PIK3CA: variants seen among roughly 807,000 people sequenced by gnomAD.
The protein encoded by PIK3CA is phosphatidylinositol 4,5-bisphosphate 3-kinase catalytic subunit alpha isoform.
In PIK3CA, 27 loss-of-function variants were observed where a neutral mutation model predicts 138.2. The ratio of observed to expected loss-of-function variants is 0.20; its 90% CI spans 0.14 to 0.27. The LOEUF is 0.27. Ranked by LOEUF, PIK3CA falls within the 10% of genes least tolerant of loss-of-function variation. The pLI, the probability that PIK3CA is intolerant of heterozygous loss-of-function variation, is 1.00. For synonymous variants in PIK3CA, 358 were observed against 413.2 expected (o/e 0.87, Z 1.62); for missense variants, 544 against 1,277.4 (o/e 0.43, Z 8.75).
intron 1 of PIK3CA, among the ~76,000 whole-genome samples, chr3:179,148,857 T>C (rs1722928598): frequency 6.6e-6 from 1 of 152,092 alleles, no homozygotes; most frequent in South Asian, 2.1e-4. Flanking sequence ...GCTCTTCCTT[T>C]GCTTCTACTC....
chr3:179,213,422 C>T (rs537769809), intron 9 of PIK3CA, among the ~76,000 whole-genome samples: 119 of 152,324 alleles, frequency 7.8e-4, no homozygotes, highest in African/African-American at 2.6e-3. Context: ...TGCTGATGAT[C>T]ATGCAAGGCT....
chr3:179,224,263 G>C, intron 15 of PIK3CA, 76 bp downstream of exon 15: 4 of 720,152 alleles, frequency 5.6e-6, no homozygotes, highest in Non-Finnish European at 7.1e-6. Context: ...AAGTAAAAAT[G>C]TCTGTTATAA....
chr3:179,162,188 A>G (rs1359258318), intron 1 of PIK3CA, among the ~76,000 whole-genome samples: 1 of 152,182 alleles, frequency 6.6e-6, no homozygotes, highest in African/African-American at 2.4e-5. Context: ...TGTATTTAAA[A>G]GTGTGAATTT....
In PIK3CA at chr3:179,238,807, A is replaced by G. The variant is rs1241565828; in HGVS notation, c.*4443A>G. 2 of 223,650 alleles carry G rather than the reference A, an allele frequency of 8.9e-6. No homozygotes were observed. Among genetic ancestry groups the G allele is most frequent in the East Asian group, 6.5e-5 (1 of 15,454 alleles). The allele number at this position is 223,650 out of a possible 1,614,324, so 13.9% of individuals were successfully genotyped here. A position where few individuals can be genotyped will look rare whatever the true frequency, so the allele number is the denominator to read the frequency against. On this transcript the variant is annotated 3_prime_UTR_variant, in exon 21 of 21. Transcript: ENST00000263967. ...CACTGCTTGCTTAGCCCTAGTCAAGAGGCATCTTTTATAAAAGGTGTAAAG... is the reference window on the plus strand; with the variant it reads ...CACTGCTTGCTTAGCCCTAGTCAAGGGGCATCTTTTATAAAAGGTGTAAAG...
chr3:179,195,758 CAT>C (rs1724251304), intron 1 of PIK3CA, among the ~76,000 whole-genome samples: 1 of 152,180 alleles, frequency 6.6e-6, no homozygotes, highest in South Asian at 2.1e-4. Context: ...TCAGTTTTCT[CAT>C]ATGTAAAATG....
chr3:179,175,720 T>A (rs1368583297), intron 1 of PIK3CA, among the ~76,000 whole-genome samples: 2 of 152,112 alleles, frequency 1.3e-5, no homozygotes, highest in Non-Finnish European at 1.5e-5. Context: ...ATTTTTTTTT[T>A]TTTTCAGTTC....
intron 9 of PIK3CA, among the ~76,000 whole-genome samples, chr3:179,217,655 A>G (rs1157607842): frequency 1.3e-5 from 2 of 151,942 alleles, no homozygotes; most frequent in Non-Finnish European, 2.9e-5. Flanking sequence ...GAATTATACA[A>G]AAAAATATTA....
At chr3:179,157,034 C>T (rs1334429537) in intron 1 of PIK3CA, among the ~76,000 whole-genome samples, 1 of 152,040 alleles carries the variant, frequency 6.6e-6, no homozygotes, top group Non-Finnish European at 1.5e-5. Context: ...AAATTCAAAG[C>T]AGCATTAATG....
rs374345587 is a variant in PIK3CA at position 179,173,451 on chromosome 3, C to T, written c.-77+24848C>T. ...AAACTTAGCCAGGTGTGGTGGCGGGCGCCTGTAGTCCCAGCTACTCGGGAG... is the reference window on the plus strand; with the variant it reads ...AAACTTAGCCAGGTGTGGTGGCGGGTGCCTGTAGTCCCAGCTACTCGGGAG... On this transcript the variant is annotated intron_variant, in intron 1 of 20. Coordinates refer to ENST00000263967, the MANE Select transcript of PIK3CA (RefSeq NM_006218.4). 2.7e-3 allele frequency among the ~76,000 whole-genome samples: 392 copies of T among 143,296 alleles called. 5 individuals carry two copies. The highest frequency in any genetic ancestry group is 0.023 in the Admixed American group (333 of 14,394). The allele number at this position is 143,296 out of a possible 152,430, so 94.0% of individuals were successfully genotyped here.
intron 20 of PIK3CA, among the ~76,000 whole-genome samples, chr3:179,232,410 C>T (rs189895670): frequency 9.2e-5 from 14 of 152,092 alleles, no homozygotes; most frequent in Non-Finnish European, 1.6e-4. Flanking sequence ...AAGATCAGTT[C>T]GTTGTAAGTT....
At position 179,226,022 on chromosome 3, in the gene PIK3CA, A is replaced by G; in HGVS notation, c.2477A>G (p.Asn826Ser). Residue 826 changes from asparagine to serine, a missense_variant, in exon 17 of 21, where the codon AAT becomes AGT. Around this residue, in one of 14 missense-constraint regions of PIK3CA, gnomAD observed 72 missense variants for 271.8 expected, o/e 0.26. Coordinates refer to ENST00000263967, the MANE Select transcript of PIK3CA (RefSeq NM_006218.4). ...IIRIMENIWQ[N>S]QGLDLRMLPY... is the part of the protein sequence containing the mutation. Reference sequence around the variant, plus strand: ...CGTATTATGGAAAATATCTGGCAAAATCAAGGTCTTGATCTTCGGTAGGTA... The same window carrying G: ...CGTATTATGGAAAATATCTGGCAAAGTCAAGGTCTTGATCTTCGGTAGGTA... 1 of 1,595,942 alleles carries G rather than the reference A, an allele frequency of 6.3e-7. No homozygotes were observed. The highest frequency in any genetic ancestry group is 1.3e-5 in the African/African-American group (1 of 74,590).
intron 1 of PIK3CA, among the ~76,000 whole-genome samples, chr3:179,179,998 A>T (rs1369572651): frequency 6.6e-6 from 1 of 152,198 alleles, no homozygotes; most frequent in Non-Finnish European, 1.5e-5. Context: ...AAGGGAAAAG[A>T]TTGATCTAGT....
intron 1 of PIK3CA, among the ~76,000 whole-genome samples, chr3:179,161,508 C>T (rs1723280536): frequency 6.6e-6 from 1 of 151,974 alleles, no homozygotes. Flanking sequence ...ACCACCCTGG[C>T]CAACATGGCA....
chr3:179,171,413 C>T (rs1723555759), intron 1 of PIK3CA, among the ~76,000 whole-genome samples: 1 of 151,822 alleles, frequency 6.6e-6, no homozygotes, highest in Non-Finnish European at 1.5e-5. Flanking sequence ...TAAAGTGTAC[C>T]AAAGTAAGTA....
intron 1 of PIK3CA, among the ~76,000 whole-genome samples, chr3:179,157,112 A>G (rs1194544609): frequency 3.3e-5 from 5 of 152,222 alleles, no homozygotes; most frequent in Non-Finnish European, 7.4e-5. Flanking sequence ...ATGAAACCAT[A>G]CATGACAGCA....
chr3:179,200,446 A>G (rs1378583661), intron 3 of PIK3CA, among the ~76,000 whole-genome samples: 1 of 152,154 alleles, frequency 6.6e-6, no homozygotes, highest in African/African-American at 2.4e-5. Flanking sequence ...TCATTGTATC[A>G]GATAAATATC....
chr3:179,235,548 C>T lies in PIK3CA; in HGVS notation c.*1184C>T, dbSNP rs1018924645. ...CCTTTTATTTCTTATGTGAATCTCC[C>T]GTCTTCCATTCTCTTTTATAATTGA... On this transcript the variant is annotated 3_prime_UTR_variant, in exon 21 of 21. Coordinates refer to ENST00000263967, the MANE Select transcript of PIK3CA (RefSeq NM_006218.4). 1.0e-4 allele frequency: 20 copies of T among 197,900 alleles called. No homozygotes were observed. Among genetic ancestry groups the T allele is most frequent in the East Asian group, 4.7e-4 (6 of 12,798 alleles). The allele number at this position is 197,900 out of a possible 1,614,324, so 12.3% of individuals were successfully genotyped here.
At chr3:179,159,501 G>C (rs1391366215) in intron 1 of PIK3CA, among the ~76,000 whole-genome samples, 1 of 152,162 alleles carries the variant, frequency 6.6e-6, no homozygotes, top group Non-Finnish European at 1.5e-5. Context: ...TATGGACTTT[G>C]TATATGCTGC....
Position 179,225,955 on chromosome 3 carries a change from A to G in PIK3CA, c.2417-7A>G. The G allele has an allele frequency of 6.7e-7, 1 of 1,484,274 alleles. No individual in the cohort carries two copies. Among genetic ancestry groups the G allele is most frequent in the Non-Finnish European group, 9.4e-7 (1 of 1,065,750 alleles). The allele number at this position is 1,484,274 out of a possible 1,614,324, so 91.9% of individuals were successfully genotyped here. ...TTAAATGGTGATACATATTATTTGA[A>G]TTTCAGATTTACGGCAAGATATGCT... is the stretch of plus-strand genomic sequence containing the variant. On this transcript the variant is annotated splice_polypyrimidine_tract_variant and splice_region_variant and intron_variant, in intron 16 of 20. Coordinates refer to ENST00000263967, the MANE Select transcript of PIK3CA (RefSeq NM_006218.4).
Sources: gnomAD v4.1 joint callset for allele counts (sites outside exome capture counted in the v4.1 genomes callset) on GRCh38, gnomAD v4.1.1 for gene constraint, gnomAD v4.1.1 regional missense constraint, MANE v1.5 for transcripts, NCBI Gene and HGNC (gene_info 2026-07-23, HGNC 2026-07-21) for gene names.